GMDS: variants seen among roughly 807,000 people sequenced by gnomAD.
GMDS encodes the protein GDP-mannose 4,6-dehydratase.
Under a neutral mutation model 49.9 loss-of-function variants are expected in GMDS, and 20 were observed. The ratio of observed to expected loss-of-function variants is 0.40; its 90% CI spans 0.28 to 0.58. The LOEUF is 0.58. Ranked by LOEUF, GMDS falls within the 20% of genes least tolerant of loss-of-function variation. GMDS has a pLI of 0.42. For missense variants in GMDS, 362 were observed against 481.4 expected, an observed-to-expected ratio of 0.75 and a Z score of 2.32; for synonymous variants, 177 against 178.6, an observed-to-expected ratio of 0.99 and a Z score of 0.07.
chr6:2,030,977 C>T lies in GMDS; in HGVS notation c.346-70011G>A, dbSNP rs146786845. ...TTATTACTGTATCAACTCTCTCACA[C>T]GTAAAGATGATCACATTACTCTCTA... is the stretch of plus-strand genomic sequence containing the variant. On this transcript the variant is annotated intron_variant, in intron 4 of 10. Coordinates refer to ENST00000380815, the MANE Select transcript of GMDS (RefSeq NM_001500.4). Among the ~76,000 whole-genome samples, 11 of 152,262 alleles carry T rather than the reference C, an allele frequency of 7.2e-5. No individual in the cohort carries two copies. The East Asian group carries it at 1.4e-3, about 19-fold the overall frequency.
chr6:1,835,684 T>C (rs1756890318), intron 7 of GMDS, among the ~76,000 whole-genome samples: 2 of 152,136 alleles, frequency 1.3e-5, no homozygotes, highest in African/African-American at 2.4e-5. Context: ...TTTAATTTGT[T>C]GATTGTGAGG....
At chr6:1,680,447 A>G (rs1039977969) in intron 9 of GMDS, among the ~76,000 whole-genome samples, 10 of 152,112 alleles carry the variant, frequency 6.6e-5, no homozygotes, top group Admixed American at 1.3e-4. Context: ...CAACATTGCT[A>G]GTTCTCCTCT....
intron 1 of GMDS, among the ~76,000 whole-genome samples, chr6:2,161,200 G>A (rs974518834): frequency 6.6e-6 from 1 of 151,744 alleles, no homozygotes; most frequent in Non-Finnish European, 1.5e-5. Context: ...TAGTAGAGAC[G>A]GGATTTCACC....
At chr6:1,853,362 C>CA in intron 7 of GMDS, among the ~76,000 whole-genome samples, 1 of 150,346 alleles carries the variant, frequency 6.7e-6, no homozygotes, top group South Asian at 2.1e-4. Flanking sequence ...ACTAAAAATA[C>CA]AAAAAATTAG....
At chr6:1,813,898 A>T (rs904291893) in intron 7 of GMDS, among the ~76,000 whole-genome samples, 1 of 152,242 alleles carries the variant, frequency 6.6e-6, no homozygotes, top group Non-Finnish European at 1.5e-5. Flanking sequence ...TAACATAAAC[A>T]GTAATATTCG....
intron 4 of GMDS, among the ~76,000 whole-genome samples, chr6:2,012,144 C>T (rs1767601527): frequency 6.6e-6 from 1 of 151,990 alleles, no homozygotes; most frequent in Non-Finnish European, 1.5e-5. Flanking sequence ...TGAGAAATTA[C>T]GTGGTGGGTA....
At chr6:2,224,592 T>A (rs1438080667) in intron 1 of GMDS, among the ~76,000 whole-genome samples, 3 of 152,202 alleles carry the variant, frequency 2.0e-5, no homozygotes, top group Non-Finnish European at 1.5e-5. Flanking sequence ...GGAGCGAAGA[T>A]CAGTGATCAG....
At chr6:1,827,426 CGTTTTGGAAAACCTGT>C (rs1334673612) in intron 7 of GMDS, among the ~76,000 whole-genome samples, 11 of 36,350 alleles carry the variant, frequency 3.0e-4, no homozygotes, top group South Asian at 1.1e-3. Context: ...TATATACACA[CGTTTTGGAAAACCTGT>C]ATATACACAC....
chr6:2,049,816 T>C (rs1770269529), intron 4 of GMDS, among the ~76,000 whole-genome samples: 3 of 152,228 alleles, frequency 2.0e-5, no homozygotes, highest in African/African-American at 4.8e-5. Flanking sequence ...AATAAAGATG[T>C]TCTTTGAAAC....
At chr6:2,000,814 A>ATAGTTCATT (rs1766769661) in intron 4 of GMDS, among the ~76,000 whole-genome samples, 1 of 152,188 alleles carries the variant, frequency 6.6e-6, no homozygotes, top group Non-Finnish European at 1.5e-5. Flanking sequence ...GGCATACACC[A>ATAGTTCATT]CCATGCCCAG....
chr6:2,038,067 G>C (rs940609140), intron 4 of GMDS, among the ~76,000 whole-genome samples: 9 of 152,206 alleles, frequency 5.9e-5, no homozygotes, highest in African/African-American at 2.2e-4. Context: ...TTGGGGGGGA[G>C]GTGGTGGTGA....
intron 9 of GMDS, among the ~76,000 whole-genome samples, chr6:1,716,137 G>A (rs142511085): frequency 4.6e-5 from 7 of 152,284 alleles, no homozygotes; most frequent in South Asian, 2.1e-4. Flanking sequence ...TTATGAAGTC[G>A]AAGAATATGT....
rs542169691 is a variant in GMDS at position 1,806,338 on chromosome 6, T to C, written c.772-63752A>G. Among the ~76,000 whole-genome samples the C allele has an allele frequency of 1.1e-4, 16 of 152,216 alleles. No individual in the cohort carries two copies. In the South Asian group the frequency reaches 2.5e-3, roughly 24 times the overall value. On this transcript the variant is annotated intron_variant, in intron 7 of 10. Transcript: ENST00000380815. The stretch of plus-strand genomic sequence containing the variant: ...TTTGGATTAGAGAGGCAGATTCCTT[T>C]AGATTAGGGTTTATGCTGTCAATGT...
chr6:1,710,091 C>T (rs571660953), intron 9 of GMDS, among the ~76,000 whole-genome samples: 3 of 152,260 alleles, frequency 2.0e-5, no homozygotes, highest in Admixed American at 6.5e-5. Flanking sequence ...CTGCTGAAGT[C>T]CCTGAAGTCA....
intron 4 of GMDS, among the ~76,000 whole-genome samples, chr6:2,106,514 C>G (rs1210786431): frequency 1.3e-5 from 2 of 151,968 alleles, no homozygotes; most frequent in East Asian, 3.9e-4. Context: ...TGGTATTAAA[C>G]AAAGTATCAT....
intron 4 of GMDS, among the ~76,000 whole-genome samples, chr6:2,101,292 T>C (rs1434919249): frequency 1.3e-5 from 2 of 150,706 alleles, no homozygotes; most frequent in Non-Finnish European, 3.0e-5. Context: ...ATAAGTAGCA[T>C]GGTAAAAAAA....
intron 4 of GMDS, among the ~76,000 whole-genome samples, chr6:1,961,595 A>T (rs1763948787): frequency 1.3e-5 from 2 of 152,248 alleles, no homozygotes; most frequent in Non-Finnish European, 2.9e-5. Flanking sequence ...AGTTCTTTAG[A>T]GCACTTTTTA....
At chr6:2,183,287 AG>A (rs1778637939) in intron 1 of GMDS, among the ~76,000 whole-genome samples, 1 of 152,090 alleles carries the variant, frequency 6.6e-6, no homozygotes. Context: ...TTCATGGAAA[AG>A]GGTCAAAATA....
intron 4 of GMDS, among the ~76,000 whole-genome samples, chr6:2,049,914 C>A (rs1259005939): frequency 3.9e-5 from 6 of 152,098 alleles, no homozygotes; most frequent in African/African-American, 1.2e-4. Context: ...TAAATGCCCA[C>A]AAGAGAAAGC....
Sources: allele counts gnomAD v4.1 joint callset (sites outside exome capture counted in the v4.1 genomes callset), GRCh38; gene constraint gnomAD v4.1.1; transcripts MANE v1.5; gene names NCBI Gene and HGNC (gene_info 2026-07-23, HGNC 2026-07-21).